Variants in ZFHX3 observed in about 807,000 individuals in gnomAD.
The protein encoded by ZFHX3 is zinc finger homeobox 3, also known as zinc finger homeobox protein 3.
A neutral mutation model predicts 279.1 loss-of-function variants in ZFHX3; 42 were observed. The ratio of observed to expected loss-of-function variants is 0.15; its 90% CI spans 0.12 to 0.19. The LOEUF (loss-of-function observed/expected upper bound fraction) is 0.19. Among genes scored for constraint, ZFHX3 ranks in the 10% least tolerant of loss-of-function variants. The pLI, the probability that ZFHX3 is intolerant of heterozygous loss-of-function variation, is 1.00. For missense variants in ZFHX3, 4,981 were observed against 4,754.0 expected, an observed-to-expected ratio of 1.05 and a Z score of -1.40; for synonymous variants, 2,293 against 1,957.8, an observed-to-expected ratio of 1.17 and a Z score of -4.52.
At chr16:73,296,483 A>C (rs900739878) in intron 4 of ZFHX3, among the ~76,000 whole-genome samples, 1 of 152,188 alleles carries the variant, frequency 6.6e-6, no homozygotes, top group African/African-American at 2.4e-5. Context: ...ATCTATGTGA[A>C]TACAATTAGA....
At chr16:73,077,962 G>A (rs1302025049) in intron 8 of ZFHX3, among the ~76,000 whole-genome samples, 5 of 152,094 alleles carry the variant, frequency 3.3e-5, no homozygotes, top group Admixed American at 1.3e-4. Context: ...CTGCCACCAC[G>A]CCCAGCTAAT....
chr16:73,538,802 A>G (rs895210398), intron 2 of ZFHX3, among the ~76,000 whole-genome samples: 8 of 152,210 alleles, frequency 5.3e-5, no homozygotes, highest in African/African-American at 1.9e-4. Context: ...TCATCGGGCA[A>G]ACGACAATAA....
intron 3 of ZFHX3, among the ~76,000 whole-genome samples, chr16:73,432,075 T>C (rs2143516554): frequency 1.3e-5 from 2 of 152,310 alleles, no homozygotes; most frequent in African/African-American, 2.4e-5. Flanking sequence ...ATCTTTAAAA[T>C]AAAAATCCGT....
chr16:73,793,638 A>C (rs1436205035), intron 1 of ZFHX3, among the ~76,000 whole-genome samples: 1 of 152,196 alleles, frequency 6.6e-6, no homozygotes, highest in Non-Finnish European at 1.5e-5. Context: ...GATCTCATTC[A>C]AGTGGCTTTC....
chr16:73,849,770 T>C (rs1440901829), intron 1 of ZFHX3, among the ~76,000 whole-genome samples: 1 of 152,236 alleles, frequency 6.6e-6, no homozygotes, highest in East Asian at 1.9e-4. Context: ...TCTCGCTCTG[T>C]CGCCCAGGCT....
At chr16:73,146,496 A>G (rs936396285) in intron 5 of ZFHX3, among the ~76,000 whole-genome samples, 1 of 152,212 alleles carries the variant, frequency 6.6e-6, no homozygotes, top group African/African-American at 2.4e-5. Context: ...CAAACCCCCA[A>G]TGCAGCCTCT....
At chr16:73,148,223 T>A (rs1300310262) in intron 5 of ZFHX3, among the ~76,000 whole-genome samples, 1 of 152,242 alleles carries the variant, frequency 6.6e-6, no homozygotes. Context: ...ATATTTACCA[T>A]TTGGCCCTTT....
At chr16:72,919,613 T>C (rs937038247) in intron 3 of ZFHX3, among the ~76,000 whole-genome samples, 1 of 152,070 alleles carries the variant, frequency 6.6e-6, no homozygotes, top group Non-Finnish European at 1.5e-5. Flanking sequence ...TCACATTCTA[T>C]CACTAATGTG....
chr16:73,076,925 C>G (rs555522025), intron 8 of ZFHX3, among the ~76,000 whole-genome samples: 1 of 151,834 alleles, frequency 6.6e-6, no homozygotes, highest in African/African-American at 2.4e-5. Context: ...GATCTTCCAA[C>G]CATATCTGAA....
chr16:73,874,845 A>G (rs532066691), intron 1 of ZFHX3, among the ~76,000 whole-genome samples: 2 of 152,348 alleles, frequency 1.3e-5, no homozygotes, highest in African/African-American at 2.4e-5. Context: ...ATAGATTTCA[A>G]AACATCCCTG....
intron 1 of ZFHX3, among the ~76,000 whole-genome samples, chr16:73,750,931 T>C (rs1174712817): frequency 1.3e-5 from 2 of 152,194 alleles, no homozygotes; most frequent in African/African-American, 4.8e-5. Context: ...GGGACTATGA[T>C]AACCATCTAC....
At chr16:73,853,957 C>T (rs779105935) in intron 1 of ZFHX3, among the ~76,000 whole-genome samples, 4 of 152,188 alleles carry the variant, frequency 2.6e-5, no homozygotes, top group Non-Finnish European at 5.9e-5. Flanking sequence ...TCTCTACCTC[C>T]ATCAGGATCA....
chr16:72,840,253 G>A (rs1182358778), intron 4 of ZFHX3, among the ~76,000 whole-genome samples: 3 of 152,194 alleles, frequency 2.0e-5, no homozygotes, highest in African/African-American at 4.8e-5. Context: ...AGGTGTATGG[G>A]AAATGAACAG....
rs577141054 is a variant in ZFHX3, at chr16:72,810,808, G to C, written c.3864+769C>G. Among the ~76,000 whole-genome samples the C allele has an allele frequency of 3.4e-4, 52 of 152,244 alleles. 2 individuals carry two copies. Among genetic ancestry groups the C allele is most frequent in the Admixed American group, 3.1e-3 (47 of 15,298 alleles). The stretch of plus-strand genomic sequence containing the variant: ...ATCTCAACTCTGCTCCTTACAAATG[G>C]CATCAAGTCAGTTAACATCTTTGAG... On this transcript the variant is annotated intron_variant, in intron 7 of 9. Coordinates refer to ENST00000268489, the MANE Select transcript of ZFHX3 (RefSeq NM_006885.4).
chr16:73,692,356 C>G (rs573971762), intron 1 of ZFHX3, among the ~76,000 whole-genome samples: 1 of 152,092 alleles, frequency 6.6e-6, no homozygotes, highest in Admixed American at 6.6e-5. Flanking sequence ...ACCCAAGGAC[C>G]AGGCCAGGAG....
chr16:73,206,751 C>T (rs1371452675), intron 5 of ZFHX3, among the ~76,000 whole-genome samples: 1 of 152,126 alleles, frequency 6.6e-6, no homozygotes, highest in Non-Finnish European at 1.5e-5. Flanking sequence ...GGCATGGTGG[C>T]TCATGCCTGT....
At chr16:72,867,816 G>C (rs1379576824) in intron 4 of ZFHX3, among the ~76,000 whole-genome samples, 1 of 152,076 alleles carries the variant, frequency 6.6e-6, no homozygotes, top group Non-Finnish European at 1.5e-5. Flanking sequence ...TGATGCCTCT[G>C]GTCACTGCAC....
At chr16:73,495,102 C>T (rs776528073) in intron 2 of ZFHX3, among the ~76,000 whole-genome samples, 17 of 152,154 alleles carry the variant, frequency 1.1e-4, no homozygotes, top group African/African-American at 2.9e-4. Flanking sequence ...CTGCAGAGTA[C>T]GTTGTTTCTA....
intron 2 of ZFHX3, among the ~76,000 whole-genome samples, chr16:73,605,042 G>A (rs1375501946): frequency 6.6e-6 from 1 of 152,144 alleles, no homozygotes; most frequent in Admixed American, 6.5e-5. Flanking sequence ...CCCCAGCTCT[G>A]ATTGCCCAAC....
Sources: allele counts gnomAD v4.1 joint callset (sites outside exome capture counted in the v4.1 genomes callset), GRCh38; gene constraint gnomAD v4.1.1; transcripts MANE v1.5; gene names NCBI Gene and HGNC (gene_info 2026-07-23, HGNC 2026-07-21).